The following NRXN3 variants were observed in gnomAD, a reference collection of about 807,000 sequenced individuals.
The protein encoded by NRXN3 is neurexin III.
In NRXN3, 32 loss-of-function variants were observed where a neutral mutation model predicts 137.6. The observed-to-expected ratio is 0.23, with a 90% CI of 0.18 to 0.31. The LOEUF is 0.31. Among genes scored for constraint, NRXN3 ranks in the 10% least tolerant of loss-of-function variants. NRXN3 has a pLI of 1.00. For missense variants in NRXN3, 1,574 were observed against 2,062.5 expected, an observed-to-expected ratio of 0.76 and a Z score of 4.59; for synonymous variants, 798 against 784.5, an observed-to-expected ratio of 1.02 and a Z score of -0.29.
chr14:79,208,145 A>G (rs2067070966), intron 15 of NRXN3, among the ~76,000 whole-genome samples: 1 of 152,202 alleles, frequency 6.6e-6, no homozygotes, highest in African/African-American at 2.4e-5. Context: ...TGAAGTAATT[A>G]GACTGTGTAG....
chr14:78,756,536 A>G (rs1440086001), intron 8 of NRXN3, among the ~76,000 whole-genome samples: 1 of 130,014 alleles, frequency 7.7e-6, no homozygotes, highest in Non-Finnish European at 1.6e-5. Flanking sequence ...ACAGACTGGG[A>G]TTCTGTCTCA....
At chr14:78,558,038 C>T (rs1231228232) in intron 4 of NRXN3, among the ~76,000 whole-genome samples, 1 of 152,128 alleles carries the variant, frequency 6.6e-6, no homozygotes, top group Non-Finnish European at 1.5e-5. Flanking sequence ...AAGTAACTTC[C>T]CCAAGATGAC....
chr14:78,614,125 G>A (rs1405695785), intron 4 of NRXN3, among the ~76,000 whole-genome samples: 1 of 152,188 alleles, frequency 6.6e-6, no homozygotes, highest in East Asian at 1.9e-4. Context: ...TGGAAACTGA[G>A]AGTAAGCATT....
intron 15 of NRXN3, among the ~76,000 whole-genome samples, chr14:79,325,300 A>G (rs1354410850): frequency 6.6e-6 from 1 of 152,176 alleles, no homozygotes; most frequent in Non-Finnish European, 1.5e-5. Flanking sequence ...CAGCAAGCTA[A>G]GAAAAACATT....
rs1444037048 is a variant in NRXN3, at chr14:78,645,375, A to G, written c.1013A>G (p.Asn338Ser). 7 of 1,597,686 alleles carry G rather than the reference A, an allele frequency of 4.4e-6. No individual in the cohort carries two copies. In the South Asian group the frequency reaches 5.5e-5, roughly 13 times the overall value. ...GTGGAGCCAGTGAATGGAAAATTCA[A>G]CGACAACGCCTGGCATGATGTCAAA... is the stretch of plus-strand genomic sequence containing the variant. ...AIVEPVNGKF[N>S]DNAWHDVKVT... The change falls in exon 5 of 21, where the codon AAC (asparagine) becomes AGC (serine). Residue 338 changes from asparagine (N) to serine (S), a missense_variant. Transcript: ENST00000335750.
At chr14:78,789,342 G>A (rs1272847005) in intron 8 of NRXN3, among the ~76,000 whole-genome samples, 1 of 152,066 alleles carries the variant, frequency 6.6e-6, no homozygotes, top group Non-Finnish European at 1.5e-5. Context: ...TCTCAACTGG[G>A]GGTGACTTTT....
At chr14:78,411,865 C>A (rs1051788015) in intron 4 of NRXN3, among the ~76,000 whole-genome samples, 11 of 152,318 alleles carry the variant, frequency 7.2e-5, no homozygotes, top group Admixed American at 2.0e-4. Flanking sequence ...GGATGAGAGG[C>A]TGAATTTCAT....
intron 16 of NRXN3, among the ~76,000 whole-genome samples, chr14:79,490,827 G>A (rs1307069846): frequency 6.6e-6 from 1 of 152,076 alleles, no homozygotes; most frequent in South Asian, 2.1e-4. Flanking sequence ...TGGATTGTTT[G>A]CAACTCAATG....
At chr14:79,178,775 A>G (rs1270591819) in intron 15 of NRXN3, among the ~76,000 whole-genome samples, 1 of 152,206 alleles carries the variant, frequency 6.6e-6, no homozygotes, top group Non-Finnish European at 1.5e-5. Context: ...CAAAACATAC[A>G]TATTTTGACT....
chr14:78,497,202 A>G (rs1339872319), intron 4 of NRXN3, among the ~76,000 whole-genome samples: 1 of 152,148 alleles, frequency 6.6e-6, no homozygotes, highest in Non-Finnish European at 1.5e-5. Context: ...GTGCCTAGGA[A>G]AAGGACAGTA....
chr14:78,657,721 G>A (rs913136001), intron 6 of NRXN3, among the ~76,000 whole-genome samples: 2 of 152,102 alleles, frequency 1.3e-5, no homozygotes, highest in African/African-American at 2.4e-5. Context: ...CCTGATAGGC[G>A]TCCACATCTG....
At chr14:78,391,578 T>G (rs529171572) in intron 4 of NRXN3, among the ~76,000 whole-genome samples, 2 of 152,198 alleles carry the variant, frequency 1.3e-5, no homozygotes, top group Non-Finnish European at 2.9e-5. Flanking sequence ...CTTTGTGTGG[T>G]CTGGAATGAC....
chr14:78,892,133 G>T (rs1419307754), intron 10 of NRXN3, among the ~76,000 whole-genome samples: 1 of 151,934 alleles, frequency 6.6e-6, no homozygotes, highest in Non-Finnish European at 1.5e-5. Flanking sequence ...AACTGTGGCT[G>T]GGGGTCTAGC....
At chr14:79,337,890 G>A (rs2092366402) in intron 15 of NRXN3, among the ~76,000 whole-genome samples, 1 of 151,996 alleles carries the variant, frequency 6.6e-6, no homozygotes, top group Admixed American at 6.6e-5. Flanking sequence ...CAAACTCCCC[G>A]ACACTCAAAC....
At chr14:79,676,765 G>C (rs991351032) in intron 17 of NRXN3, among the ~76,000 whole-genome samples, 4 of 151,786 alleles carry the variant, frequency 2.6e-5, no homozygotes, top group South Asian at 2.1e-4. Flanking sequence ...AAGCACACTG[G>C]GTTTTTATTT....
intron 4 of NRXN3, among the ~76,000 whole-genome samples, chr14:78,367,644 C>G (rs1376729163): frequency 6.6e-6 from 1 of 152,094 alleles, no homozygotes; most frequent in African/African-American, 2.4e-5. Flanking sequence ...ATCAAACCTG[C>G]CTTTGGGAAG....
intron 16 of NRXN3, among the ~76,000 whole-genome samples, chr14:79,469,822 A>G (rs1006565375): frequency 6.6e-6 from 1 of 152,180 alleles, no homozygotes; most frequent in African/African-American, 2.4e-5. Flanking sequence ...TAGTCATTTG[A>G]AGCCATATTT....
At chr14:79,346,382 T>A (rs903048960) in intron 15 of NRXN3, among the ~76,000 whole-genome samples, 4 of 152,126 alleles carry the variant, frequency 2.6e-5, no homozygotes, top group Non-Finnish European at 4.4e-5. Context: ...GATCATGCTG[T>A]TGCACTCCAG....
chr14:79,099,114 G>C (rs940609321), intron 15 of NRXN3, among the ~76,000 whole-genome samples: 6 of 152,172 alleles, frequency 3.9e-5, no homozygotes, highest in African/African-American at 1.4e-4. Flanking sequence ...TCACTTAACA[G>C]GTAGAGAAGA....
Sources: gnomAD v4.1 joint callset for allele counts (sites outside exome capture counted in the v4.1 genomes callset) on GRCh38, gnomAD v4.1.1 for gene constraint, MANE v1.5 for transcripts, NCBI Gene and HGNC (gene_info 2026-07-23, HGNC 2026-07-21) for gene names.